The following CPEB3 variants were observed in gnomAD, a reference collection of about 807,000 sequenced individuals.
CPEB3 encodes cytoplasmic polyadenylation element-binding protein 3.
A neutral mutation model predicts 67.2 loss-of-function variants in CPEB3; 20 were observed. The observed-to-expected ratio is 0.30, with a 90% CI of 0.21 to 0.43. The LOEUF is 0.43. Among genes scored for constraint, CPEB3 ranks in the 20% least tolerant of loss-of-function variants. CPEB3 has a pLI of 1.00. For missense variants in CPEB3, 746 were observed against 968.6 expected (o/e 0.77, Z 3.05); for synonymous variants, 376 against 393.1 (o/e 0.96, Z 0.51).
intron 9 of CPEB3, among the ~76,000 whole-genome samples, chr10:92,079,108 G>T (rs564084351): frequency 6.6e-6 from 1 of 152,270 alleles, no homozygotes; most frequent in South Asian, 2.1e-4. Context: ...AAGCTCTTCA[G>T]GTTAAGTTCA....
At chr10:92,148,150 A>G (rs946601729) in intron 4 of CPEB3, among the ~76,000 whole-genome samples, 2 of 152,188 alleles carry the variant, frequency 1.3e-5, no homozygotes, top group Non-Finnish European at 2.9e-5. Flanking sequence ...AAAGCCCTCA[A>G]TGATTTCCCA....
At position 92,239,519 on chromosome 10, in the gene CPEB3, C is replaced by A; in HGVS notation, c.832G>T (p.Val278Leu). 6.4e-7 allele frequency: 1 copy of A among 1,566,960 alleles called. No homozygotes were observed. The highest frequency in any genetic ancestry group is 2.3e-5 in the East Asian group (1 of 42,980). The change falls in exon 2 of 10, where the codon GTG becomes TTG. Residue 278 changes from valine (V) to leucine (L), a missense_variant. By Grantham distance (32) the Val-to-Leu change is conservative. This residue lies in a region of CPEB3 where 643 missense variants were observed against 717.5 expected (regional missense o/e 0.90). Coordinates refer to ENST00000265997, the MANE Select transcript of CPEB3 (RefSeq NM_014912.5). The surrounding 1 kb of genome is among the most constrained non-coding windows in gnomAD (Gnocchi z 6.0). Reference sequence around the variant, plus strand: ...AGCGGGGAAGGCACCCCGACACCCACACCCACGCCCACACCGACCGCCCGG... The same window carrying A: ...AGCGGGGAAGGCACCCCGACACCCAAACCCACGCCCACACCGACCGCCCGG... ...PRRAVGVGVG[V>L]GVGVPSPLNP...
At chr10:92,266,234 G>C (rs1312219416) in intron 1 of CPEB3, among the ~76,000 whole-genome samples, 2 of 152,110 alleles carry the variant, frequency 1.3e-5, no homozygotes, top group Non-Finnish European at 2.9e-5. Context: ...ACAGAAAACA[G>C]ACTAAGACAG....
intron 2 of CPEB3, among the ~76,000 whole-genome samples, chr10:92,224,193 C>T (rs1442467494): frequency 6.6e-6 from 1 of 152,196 alleles, no homozygotes; most frequent in African/African-American, 2.4e-5. Context: ...AGCCACCGTG[C>T]CCCTGATTGT....
At chr10:92,136,302 C>T (rs527963934) in intron 6 of CPEB3, among the ~76,000 whole-genome samples, 14 of 152,152 alleles carry the variant, frequency 9.2e-5, no homozygotes, top group African/African-American at 2.9e-4. Context: ...GAGTAATACC[C>T]CACAAGCAAA....
chr10:92,088,225 A>ATTT (rs374452327), intron 8 of CPEB3, among the ~76,000 whole-genome samples: 92 of 126,298 alleles, frequency 7.3e-4, no homozygotes, highest in African/African-American at 2.6e-3. Context: ...TTCCAACCTA[A>ATTT]TTTTTTTTTT....
chr10:92,239,337 G>T lies in CPEB3; in HGVS notation c.1005+9C>A. 6.2e-7 allele frequency: 1 copy of T among 1,601,512 alleles called. No homozygotes were observed. Among genetic ancestry groups the T allele is most frequent in the Non-Finnish European group, 8.5e-7 (1 of 1,174,054 alleles). Reference sequence around the variant, plus strand: ...AGGGAAGGAGTGTGTAGGTGCAGCAGAGTATTACCTGAAATGGCAACAGAT... The same window carrying T: ...AGGGAAGGAGTGTGTAGGTGCAGCATAGTATTACCTGAAATGGCAACAGAT... On this transcript the variant is annotated intron_variant, in intron 2 of 9. Transcript: ENST00000265997. The surrounding 1 kb of genome is among the most constrained non-coding windows in gnomAD (Gnocchi z 6.0).
In CPEB3 at chr10:92,074,072, T is replaced by C. The variant is rs548659494; in HGVS notation, c.1869+7248A>G. On this transcript the variant is annotated intron_variant, in intron 9 of 9. Coordinates refer to ENST00000265997, the MANE Select transcript of CPEB3 (RefSeq NM_014912.5). ...GAATGGTTTAAAAGGTCTTCCCATCTGAGCCACCTCTCTTTTTAACTATTT... is the reference window on the plus strand; with the variant it reads ...GAATGGTTTAAAAGGTCTTCCCATCCGAGCCACCTCTCTTTTTAACTATTT... 1.1e-4 allele frequency among the ~76,000 whole-genome samples: 16 copies of C among 152,070 alleles called. No individual in the cohort carries two copies. In the East Asian group the frequency reaches 3.1e-3, roughly 29 times the overall value.
chr10:92,267,458 A>T (rs1328146641), intron 1 of CPEB3, among the ~76,000 whole-genome samples: 2 of 152,228 alleles, frequency 1.3e-5, no homozygotes, highest in Admixed American at 1.3e-4. Flanking sequence ...AAAGGCAGTC[A>T]GCAGCCAGAT....
intron 1 of CPEB3, among the ~76,000 whole-genome samples, chr10:92,282,259 AT>A (rs1442788976): frequency 6.6e-6 from 1 of 152,344 alleles, no homozygotes; most frequent in Admixed American, 6.5e-5. Flanking sequence ...AATTTTGTAA[AT>A]ATCTACCCCA....
At chr10:92,210,997 C>T (rs1850054868) in intron 2 of CPEB3, among the ~76,000 whole-genome samples, 1 of 152,202 alleles carries the variant, frequency 6.6e-6, no homozygotes, top group Non-Finnish European at 1.5e-5. Flanking sequence ...TTGCAGTGAG[C>T]TGAGATCACA....
chr10:92,223,063 G>A (rs1850779481), intron 2 of CPEB3, among the ~76,000 whole-genome samples: 1 of 152,032 alleles, frequency 6.6e-6, no homozygotes, highest in Non-Finnish European at 1.5e-5. Flanking sequence ...TAATTGGTTA[G>A]GAATTCCTTA....
In CPEB3 at chr10:92,118,751, A is replaced by G. The variant is rs1845169648; in HGVS notation, c.1454-7557T>C. The G allele has an allele frequency of 6.7e-6, 5 of 751,402 alleles. No homozygotes were observed. In the Admixed American group the frequency reaches 9.1e-5, roughly 14 times the overall value. The allele number at this position is 751,402 out of a possible 1,614,324, so 46.5% of individuals were successfully genotyped here. On this transcript the variant is annotated intron_variant, in intron 6 of 9. Coordinates refer to ENST00000265997, the MANE Select transcript of CPEB3 (RefSeq NM_014912.5). ...CAGAAATGCTGTTCCTTTGGGAACC[A>G]CAGGCAAACAAGAGATGGAGCGGTT... is the stretch of plus-strand genomic sequence containing the variant.
chr10:92,168,791 CTTTTTTTT>C (rs748498383), intron 4 of CPEB3, among the ~76,000 whole-genome samples: 2 of 118,390 alleles, frequency 1.7e-5, no homozygotes, highest in African/African-American at 3.5e-5. Context: ...ACCTCTTGCC[CTTTTTTTT>C]TTTTTTTTTT....
intron 6 of CPEB3, among the ~76,000 whole-genome samples, chr10:92,121,952 C>T (rs769814908): frequency 1.5e-4 from 23 of 152,182 alleles, no homozygotes; most frequent in Non-Finnish European, 2.2e-4. Flanking sequence ...CTGACTTTGG[C>T]TTTCAGGTCA....
intron 1 of CPEB3, among the ~76,000 whole-genome samples, chr10:92,265,748 C>CA (rs71484286): frequency 0.14 from 15,095 of 108,066 alleles, 1,108 homozygotes; most frequent in Middle Eastern, 0.25. Context: ...AACTCCATCT[C>CA]AAAAAAAAAA....
At position 92,111,174 on chromosome 10, in the gene CPEB3, G is replaced by C; in HGVS notation, c.1474C>G (p.Gln492Glu). 1 of 1,613,556 alleles carries C rather than the reference G, an allele frequency of 6.2e-7. No homozygotes were observed. The highest frequency in any genetic ancestry group is 1.1e-5 in the South Asian group (1 of 91,060). Reference protein sequence around the residue: ...PPKGYAFLLFQEESSVQALID... With the variant: ...PPKGYAFLLFEEESSVQALID... ...AAAGCTTGTACTGAGCTTTCCTCTTGGAACAGCAGAAAGGCATAGCCTTGG... is the reference window on the plus strand; with the variant it reads ...AAAGCTTGTACTGAGCTTTCCTCTTCGAACAGCAGAAAGGCATAGCCTTGG... The change falls in exon 7 of 10, where the codon CAA (glutamine) becomes GAA (glutamate). Residue 492 changes from glutamine to glutamate, a missense_variant. Physicochemically the swap from Gln to Glu is conservative, Grantham distance 29. Transcript: ENST00000265997.
intron 2 of CPEB3, among the ~76,000 whole-genome samples, chr10:92,209,887 A>T (rs1424708796): frequency 6.7e-6 from 1 of 148,454 alleles, no homozygotes; most frequent in Non-Finnish European, 1.5e-5. Flanking sequence ...CAGTGAGCCA[A>T]GCTGAGATCT....
At chr10:92,076,851 A>T (rs1842956057) in intron 9 of CPEB3, among the ~76,000 whole-genome samples, 3 of 151,346 alleles carry the variant, frequency 2.0e-5, no homozygotes, top group Admixed American at 6.6e-5. Context: ...AAGAGAGAGA[A>T]GAAAGGAGGA....
Sources: allele counts gnomAD v4.1 joint callset (sites outside exome capture counted in the v4.1 genomes callset), GRCh38; gene constraint gnomAD v4.1.1; regional missense constraint gnomAD v4.1.1; non-coding constraint Gnocchi (gnomAD v3.1); transcripts MANE v1.5; gene names NCBI Gene and HGNC (gene_info 2026-07-23, HGNC 2026-07-21).